Variants in KCNQ2 observed in about 807,000 individuals in gnomAD.
KCNQ2 encodes the protein potassium voltage-gated channel subfamily Q member 2.
A neutral mutation model predicts 84.8 loss-of-function variants in KCNQ2; 14 were observed. That is an observed-to-expected ratio of 0.17 (90% confidence interval 0.11 to 0.26). The LOEUF (loss-of-function observed/expected upper bound fraction) is 0.26, where lower values mean the gene tolerates loss of function less well. KCNQ2 is among the 10% of genes least tolerant of loss of function. The pLI is 1.00. For synonymous variants in KCNQ2, 599 were observed against 554.1 expected (o/e 1.08, Z -1.14); for missense variants, 788 against 1,254.0 (o/e 0.63, Z 5.61).
At chr20:63,423,052 G>T (rs78585949) in intron 11 of KCNQ2, among the ~76,000 whole-genome samples, 3,842 of 152,330 alleles carry the variant, frequency 0.025, 153 homozygotes, top group South Asian at 0.16. Context: ...ACTGGGGGCT[G>T]GCACCAGCAG....
chr20:63,401,926 T>C lies in KCNQ2; in HGVS notation c.*4718A>G. 6.8e-6 allele frequency: 1 copy of C among 147,766 alleles called. No homozygotes were observed. The allele number at this position is 147,766 out of a possible 1,614,324, so 9.2% of individuals were successfully genotyped here. A position where few individuals can be genotyped will look rare whatever the true frequency, so the allele number is the denominator to read the frequency against. ...CACCAGGTCCAAGCCTCGTGAGCCA[T>C]CCCTCTCATACCACGTCTGCTGGGC... On this transcript the variant is annotated 3_prime_UTR_variant, in exon 17 of 17. Coordinates refer to ENST00000359125, the MANE Select transcript of KCNQ2 (RefSeq NM_172107.4).
In KCNQ2 at chr20:63,438,824, G is replaced by C; in HGVS notation, c.928-104C>G. ...CCCCACACCCCCCCCAATTCATCAGGGTCAGACCACACTCCAGAGACTCAC... is the reference window on the plus strand; with the variant it reads ...CCCCACACCCCCCCCAATTCATCAGCGTCAGACCACACTCCAGAGACTCAC... On this transcript the variant is annotated intron_variant, in intron 6 of 16. Coordinates refer to ENST00000359125, the MANE Select transcript of KCNQ2 (RefSeq NM_172107.4). The surrounding 1 kb of genome is among the most constrained non-coding windows in gnomAD (Gnocchi z 5.1). The C allele has an allele frequency of 1.2e-6, 1 of 812,688 alleles. No individual in the cohort carries two copies. Among genetic ancestry groups the C allele is most frequent in the Non-Finnish European group, 2.0e-6 (1 of 497,878 alleles). The allele number at this position is 812,688 out of a possible 1,614,324, so 50.3% of individuals were successfully genotyped here. A position where few individuals can be genotyped will look rare whatever the true frequency, so the allele number is the denominator to read the frequency against.
chr20:63,416,279 G>T (rs542991527), intron 12 of KCNQ2, among the ~76,000 whole-genome samples: 180 of 152,310 alleles, frequency 1.2e-3, no homozygotes, highest in African/African-American at 4.0e-3. Flanking sequence ...CTCTCGGGGG[G>T]TCCTTGGGCC....
At chr20:63,452,145 G>C (rs2145820896) in intron 1 of KCNQ2, among the ~76,000 whole-genome samples, 1 of 152,362 alleles carries the variant, frequency 6.6e-6, no homozygotes, top group East Asian at 1.9e-4. Flanking sequence ...CTCTGGCCCA[G>C]CACCCAAACC....
chr20:63,442,692 T>TCACCACCACCACCACCACCACCAC (rs1422312060), intron 4 of KCNQ2, among the ~76,000 whole-genome samples, 161 bp from the exon 5 acceptor site: 1 of 50,082 alleles, frequency 2.0e-5, no homozygotes, highest in Non-Finnish European at 4.0e-5. Flanking sequence ...ACCATCACCA[T>TCACCACCACCACCACCACCACCAC]CACCACCATC....
At position 63,472,099 on chromosome 20, in the gene KCNQ2, G is replaced by A. The variant is rs527704309; in HGVS notation, c.296+69C>T. 2.7e-5 allele frequency: 32 copies of A among 1,187,912 alleles called. 1 individual carries two copies. The East Asian group carries it at 7.3e-4, about 27-fold the overall frequency. 73.6% of individuals were successfully genotyped at this position (1,187,912 alleles called of 1,614,324 possible). A position where few individuals can be genotyped will look rare whatever the true frequency, so the allele number is the denominator to read the frequency against. ...AAACCCGCCGCAGCCAGCCTGGCCGGGGTCGCCGATGGGGTCGCCGATGGG... is the reference window on the plus strand; with the variant it reads ...AAACCCGCCGCAGCCAGCCTGGCCGAGGTCGCCGATGGGGTCGCCGATGGG... On this transcript the variant is annotated intron_variant, in intron 1 of 16. Transcript: ENST00000359125.
intron 10 of KCNQ2, among the ~76,000 whole-genome samples, chr20:63,428,048 G>A (rs1398250071): frequency 3.3e-5 from 5 of 152,196 alleles, no homozygotes; most frequent in African/African-American, 7.2e-5. Context: ...TCGAGAGGAC[G>A]ACGGGCTGGG....
At chr20:63,419,397 C>T (rs1360022127) in intron 12 of KCNQ2, among the ~76,000 whole-genome samples, 2 of 152,230 alleles carry the variant, frequency 1.3e-5, no homozygotes, top group African/African-American at 4.8e-5. Context: ...CGCAGGACAT[C>T]GCCTGGCGTG....
At chr20:63,452,884 G>T (rs1369912286) in intron 1 of KCNQ2, among the ~76,000 whole-genome samples, 1 of 129,252 alleles carries the variant, frequency 7.7e-6, no homozygotes, top group African/African-American at 3.4e-5. Context: ...AGCCCGGGAC[G>T]ACGCGCCAGC....
intron 12 of KCNQ2, among the ~76,000 whole-genome samples, chr20:63,417,800 G>A (rs1055069669): frequency 6.6e-6 from 1 of 152,176 alleles, no homozygotes; most frequent in Non-Finnish European, 1.5e-5. Flanking sequence ...CGCTGACCAC[G>A]ACAAGGAGCC....
chr20:63,443,118 T>TACC (rs2081278615), intron 4 of KCNQ2, among the ~76,000 whole-genome samples: 2 of 13,592 alleles, frequency 1.5e-4, no homozygotes, highest in Non-Finnish European at 3.0e-4. Context: ...CCACCACCAC[T>TACC]ATCACCACCA....
chr20:63,419,977 C>G (rs1304833981), intron 11 of KCNQ2, among the ~76,000 whole-genome samples: 1 of 152,198 alleles, frequency 6.6e-6, no homozygotes, highest in Non-Finnish European at 1.5e-5. Context: ...AGTATTCATG[C>G]TGACAAAACA....
Position 63,446,919 on chromosome 20 carries a change from T to TCCCC in KCNQ2, c.297-86_297-83dup. 1 of 1,233,138 alleles carries TCCCC rather than the reference T, an allele frequency of 8.1e-7. No homozygotes were observed. The highest frequency in any genetic ancestry group is 1.2e-5 in the South Asian group (1 of 83,422). 76.4% of individuals were successfully genotyped at this position (1,233,138 alleles called of 1,614,324 possible). ...GTGTCTCCAGAACTCAGGACCCCAC[T>TCCCC]CCCCACCAGGCCGCAGCAGGGCACC... On this transcript the variant is annotated intron_variant, in intron 1 of 16. Coordinates refer to ENST00000359125, the MANE Select transcript of KCNQ2 (RefSeq NM_172107.4). The surrounding 1 kb of genome is among the most constrained non-coding windows in gnomAD (Gnocchi z 5.5).
intron 12 of KCNQ2, among the ~76,000 whole-genome samples, chr20:63,418,895 G>A (rs558026473): frequency 1.1e-4 from 16 of 152,282 alleles, no homozygotes; most frequent in African/African-American, 2.4e-4. Flanking sequence ...CAGCACCACC[G>A]GCGGCATGCA....
chr20:63,428,090 C>G (rs1222486774), intron 10 of KCNQ2, among the ~76,000 whole-genome samples: 1 of 152,198 alleles, frequency 6.6e-6, no homozygotes, highest in Non-Finnish European at 1.5e-5. Flanking sequence ...GCGCCTGGGC[C>G]CCATTAGGAG....
Position 63,472,489 on chromosome 20 carries a change from T to G in KCNQ2, c.-26A>C. 1 of 1,484,934 alleles carries G rather than the reference T, an allele frequency of 6.7e-7. No individual in the cohort carries two copies. Among genetic ancestry groups the G allele is most frequent in the Non-Finnish European group, 8.9e-7 (1 of 1,123,400 alleles). 92.0% of individuals were successfully genotyped at this position (1,484,934 alleles called of 1,614,324 possible). A position where few individuals can be genotyped will look rare whatever the true frequency, so the allele number is the denominator to read the frequency against. ...GGTGCCTGGCGGGAGGCGCCCCGGG[T>G]CGGGCTCAGGCTCAGCGGGGGCGGA... is the stretch of plus-strand genomic sequence containing the variant. On this transcript the variant is annotated 5_prime_UTR_variant, in exon 1 of 17. Transcript: ENST00000359125.
In KCNQ2 at chr20:63,445,332, C is replaced by T. The variant is rs2081380607; in HGVS notation, c.420G>A (p.Glu140=). The change falls in exon 3 of 17, where the codon GAG becomes GAA. Residue 140 remains glutamate, a synonymous_variant. Coordinates refer to ENST00000359125, the MANE Select transcript of KCNQ2 (RefSeq NM_172107.4). ...EIVTIVVFGV[E]YFVRIWAAGC... is the part of the protein sequence containing the mutation. The stretch of plus-strand genomic sequence containing the variant: ...CTGCGGCCCAGATCCGCACGAAGTA[C>T]TCCACGCCAAACACCACGATAGTCA... 3 of 1,613,780 alleles carry T rather than the reference C, an allele frequency of 1.9e-6. No individual in the cohort carries two copies. Among genetic ancestry groups the T allele is most frequent in the African/African-American group, 2.7e-5 (2 of 74,952 alleles).
Position 63,442,447 on chromosome 20 carries a change from C to G in KCNQ2, c.775G>C (p.Asp259His), listed in dbSNP as rs777257591. 1 of 1,613,706 alleles carries G rather than the reference C, an allele frequency of 6.2e-7. No individual in the cohort carries two copies. Among genetic ancestry groups the G allele is most frequent in the African/African-American group, 1.3e-5 (1 of 74,814 alleles). ...LVYLAEKGENDHFDTYADALW... is the reference protein window; with the variant it reads ...LVYLAEKGENHHFDTYADALW... ...GCATCCGCGTAGGTGTCAAAGTGGT[C>G]GTTCTCCCCCTTCTCTGCCAAGTAC... The change falls in exon 5 of 17, where the codon GAC becomes CAC. Residue 259 changes from aspartate (D) to histidine (H), a missense_variant. Asp to His is a moderately conservative substitution (Grantham distance 81, BLOSUM62 -1). Transcript: ENST00000359125.
intron 4 of KCNQ2, among the ~76,000 whole-genome samples, chr20:63,442,909 C>CACT (rs2081249502): frequency 2.3e-5 from 1 of 43,052 alleles, no homozygotes; most frequent in Non-Finnish European, 5.3e-5. Flanking sequence ...TCACCACCAC[C>CACT]ATCACCATCA....
Sources: gnomAD v4.1 joint callset for allele counts (sites outside exome capture counted in the v4.1 genomes callset) on GRCh38, gnomAD v4.1.1 for gene constraint, Gnocchi (gnomAD v3.1) non-coding constraint, MANE v1.5 for transcripts, NCBI Gene and HGNC (gene_info 2026-07-23, HGNC 2026-07-21) for gene names.